The following KRABD4 variants were observed in gnomAD, a reference collection of about 807,000 sequenced individuals.
KRABD4 encodes KRAB domain containing 4.
At chrX:46,474,201 A>T in the KRABD4 span, 1 of 112,321 alleles carries the variant, frequency 8.9e-6, no homozygotes, top group African/African-American at 3.2e-5. Context: ...AAGAAAAAAA[A>T]TGTATGCTGA....
chrX:46,452,285 CTT>C, the KRABD4 span, among the ~76,000 whole-genome samples: 7 of 100,492 alleles, frequency 7.0e-5, no homozygotes, highest in Admixed American at 2.2e-4. Flanking sequence ...CTTTCTGGTC[CTT>C]TTTTTTTTTT....
chrX:46,459,096 T>C, the KRABD4 span, among the ~76,000 whole-genome samples: 1 of 111,255 alleles, frequency 9.0e-6, no homozygotes, highest in Non-Finnish European at 1.9e-5. Context: ...GTGGATCACC[T>C]GAGATCAGGA....
chrX:46,454,054 T>G, the KRABD4 span: 1 of 119,657 alleles, frequency 8.4e-6, no homozygotes, highest in Non-Finnish European at 1.8e-5. Context: ...AGCTAAACAC[T>G]TTCACAAAAG....
the KRABD4 span, among the ~76,000 whole-genome samples, chrX:46,453,462 A>G: frequency 1.2e-3 from 130 of 111,242 alleles, no homozygotes; most frequent in African/African-American, 4.0e-3. Context: ...TTTTTTTTAA[A>G]TGGTACAATG....
the KRABD4 span, chrX:46,471,194 A>G: frequency 3.7e-5 from 42 of 1,150,185 alleles, 1 homozygote; most frequent in South Asian, 6.9e-4. Flanking sequence ...AGGTACATAC[A>G]CTTTTAGGAT....
chrX:46,449,521 A>C, the KRABD4 span, among the ~76,000 whole-genome samples: 7 of 112,636 alleles, frequency 6.2e-5, no homozygotes, highest in African/African-American at 2.3e-4. Context: ...AATTGAAATC[A>C]CCACTCAAAA....
the KRABD4 span, among the ~76,000 whole-genome samples, chrX:46,465,201 G>A: frequency 1.8e-5 from 2 of 113,169 alleles, no homozygotes; most frequent in African/African-American, 6.4e-5. Context: ...CTAAGTGCCA[G>A]TGGCTCATTT....
the KRABD4 span, chrX:46,448,388 C>G: frequency 8.9e-6 from 1 of 112,713 alleles, no homozygotes; most frequent in Non-Finnish European, 1.9e-5. Flanking sequence ...CTCTGAATCC[C>G]TTGGTCCTGC....
the KRABD4 span, among the ~76,000 whole-genome samples, chrX:46,457,540 C>G: frequency 1.8e-5 from 2 of 109,467 alleles, no homozygotes; most frequent in Non-Finnish European, 3.8e-5. Context: ...GCCATGAAAA[C>G]AGGGCTGATT....
At chrX:46,467,762 G>A in the KRABD4 span, among the ~76,000 whole-genome samples, 54 of 111,464 alleles carry the variant, frequency 4.8e-4, 1 homozygote, top group Admixed American at 4.8e-3. Flanking sequence ...GTGGTGAAGT[G>A]TCTATTGTAA....
the KRABD4 span, among the ~76,000 whole-genome samples, chrX:46,448,878 C>T: frequency 8.9e-6 from 1 of 112,530 alleles, no homozygotes; most frequent in Non-Finnish European, 1.9e-5. Flanking sequence ...AGGGGAAATG[C>T]TGAGTGTCCC....
At chrX:46,450,496 T>TA in the KRABD4 span, 1 of 1,198,248 alleles carries the variant, frequency 8.3e-7, no homozygotes, top group Non-Finnish European at 1.1e-6. Context: ...AATTTACCCA[T>TA]ACTTTGTTTC....
At chrX:46,460,468 G>C in the KRABD4 span, among the ~76,000 whole-genome samples, 140 of 108,705 alleles carry the variant, frequency 1.3e-3, 1 homozygote, top group African/African-American at 4.6e-3. Flanking sequence ...AGAGGATACA[G>C]ATGAACCGCC....
At chrX:46,459,458 A>G in the KRABD4 span, among the ~76,000 whole-genome samples, 6 of 111,744 alleles carry the variant, frequency 5.4e-5, no homozygotes, top group Non-Finnish European at 9.4e-5. Flanking sequence ...TAACTTATCT[A>G]TCATTTTTAT....
chrX:46,473,796 A>G, the KRABD4 span: 1 of 143,490 alleles, frequency 7.0e-6, no homozygotes, highest in South Asian at 1.8e-4. Flanking sequence ...TTGGGATTAC[A>G]GGCACATGCC....
At chrX:46,472,550 T>C in the KRABD4 span, 5 of 377,792 alleles carry the variant, frequency 1.3e-5, no homozygotes, top group East Asian at 2.1e-4. Flanking sequence ...TTAAATTATT[T>C]TTGTTAAATT....
At chrX:46,469,932 G>T in the KRABD4 span, among the ~76,000 whole-genome samples, 34 of 110,821 alleles carry the variant, frequency 3.1e-4, no homozygotes, top group African/African-American at 1.1e-3. Context: ...TTATTTTTAT[G>T]GATCAGTTCC....
chrX:46,464,152 T>C, the KRABD4 span, among the ~76,000 whole-genome samples: 1 of 111,538 alleles, frequency 9.0e-6, no homozygotes, highest in South Asian at 3.8e-4. Context: ...TTTCCTTGTC[T>C]ATTTTTCCTG....
chrX:46,467,951 T>C, the KRABD4 span, among the ~76,000 whole-genome samples: 1 of 111,930 alleles, frequency 8.9e-6, no homozygotes. Context: ...ATTAAATTTT[T>C]CTTTTATGGT....
Sources: allele counts gnomAD v4.1 joint callset (sites outside exome capture counted in the v4.1 genomes callset), GRCh38; gene constraint gnomAD v4.1.1; transcripts MANE v1.5; gene names NCBI Gene and HGNC (gene_info 2026-07-23, HGNC 2026-07-21).